Variants in MYCBP2 observed in about 807,000 individuals in gnomAD.
MYCBP2 encodes the protein E3 ubiquitin-protein ligase MYCBP2.
In MYCBP2, 120 loss-of-function variants were observed where a neutral mutation model predicts 525.3. The ratio of observed to expected loss-of-function variants is 0.23; its 90% confidence interval spans 0.20 to 0.27. The LOEUF (loss-of-function observed/expected upper bound fraction) is 0.27, where lower values mean the gene tolerates loss of function less well. MYCBP2 is among the 10% of genes least tolerant of loss of function. The pLI is 1.00. For missense variants in MYCBP2, 4,149 were observed against 5,657.1 expected, an observed-to-expected ratio of 0.73 and a Z score of 8.55; for synonymous variants, 1,894 against 1,955.8, an observed-to-expected ratio of 0.97 and a Z score of 0.83.
At chr13:77,251,385 T>C (rs2071176299) in intron 14 of MYCBP2, 30 bp from the exon 15 acceptor site, 1 of 1,584,882 alleles carries the variant, frequency 6.3e-7, no homozygotes, top group South Asian at 1.1e-5. Flanking sequence ...GTAATTTTTA[T>C]ACAGGTTACT....
chr13:77,180,643 T>C (rs2060131216), intron 33 of MYCBP2, among the ~76,000 whole-genome samples: 1 of 152,214 alleles, frequency 6.6e-6, no homozygotes, highest in South Asian at 2.1e-4. Flanking sequence ...CTTTTTTGGC[T>C]GGGCGTGGTG....
chr13:77,084,070 T>C (rs1257017163), intron 62 of MYCBP2, among the ~76,000 whole-genome samples: 2 of 152,214 alleles, frequency 1.3e-5, no homozygotes, highest in Non-Finnish European at 1.5e-5. Context: ...GTTTATTTCA[T>C]CAGTCCACTT....
chr13:77,121,355 T>C lies in MYCBP2; in HGVS notation c.8140+18A>G. 6.6e-7 allele frequency: 1 copy of C among 1,508,578 alleles called. No individual in the cohort carries two copies. The highest frequency in any genetic ancestry group is 8.9e-7 in the Non-Finnish European group (1 of 1,119,070). The allele number at this position is 1,508,578 out of a possible 1,614,324, so 93.4% of individuals were successfully genotyped here. A position where few individuals can be genotyped will look rare whatever the true frequency, so the allele number is the denominator to read the frequency against. ...TATTGAAGTTAGGTAAGTAAAAGAC[T>C]TACTTTTAAATACCTACCTTTGCTA... On this transcript the variant is annotated intron_variant, in intron 55 of 82. Coordinates refer to ENST00000544440, the MANE Select transcript of MYCBP2 (RefSeq NM_015057.5).
intron 48 of MYCBP2, among the ~76,000 whole-genome samples, chr13:77,145,210 C>T (rs74098704): frequency 0.059 from 9,021 of 152,236 alleles, 377 homozygotes; most frequent in African/African-American, 0.11. Context: ...GTCAAAGTCA[C>T]CAATGACCAC....
At chr13:77,239,221 CA>C in intron 17 of MYCBP2, among the ~76,000 whole-genome samples, 2 of 152,280 alleles carry the variant, frequency 1.3e-5, no homozygotes, top group Middle Eastern at 3.4e-3. Flanking sequence ...AATAATCTAA[CA>C]TAACCTAATT....
At chr13:77,076,710 T>A (rs1451338073) in intron 68 of MYCBP2, 41 bp downstream of exon 68, 1 of 1,254,582 alleles carries the variant, frequency 8.0e-7, no homozygotes, top group Admixed American at 2.0e-5. Context: ...AAAAAAAGAA[T>A]AAAAAAGGGA....
At chr13:77,218,496 T>C (rs937560631) in intron 20 of MYCBP2, among the ~76,000 whole-genome samples, 1 of 152,216 alleles carries the variant, frequency 6.6e-6, no homozygotes, top group Non-Finnish European at 1.5e-5. Flanking sequence ...AAAGCTAGAC[T>C]GGCTGGTTGT....
At chr13:77,207,832 T>C (rs1289027986) in intron 23 of MYCBP2, among the ~76,000 whole-genome samples, 1 of 152,176 alleles carries the variant, frequency 6.6e-6, no homozygotes, top group African/African-American at 2.4e-5. Flanking sequence ...ACTAACTCTC[T>C]TGATGGTAAA....
At chr13:77,180,361 C>T (rs756139425) in intron 33 of MYCBP2, 43 bp from the exon 34 acceptor site, 11 of 1,554,080 alleles carry the variant, frequency 7.1e-6, no homozygotes, top group Middle Eastern at 3.4e-4. Flanking sequence ...GTTTTATTTT[C>T]CTTCATAGGA....
chr13:77,171,210 A>G (rs1478331652), intron 38 of MYCBP2, among the ~76,000 whole-genome samples: 1 of 152,244 alleles, frequency 6.6e-6, no homozygotes, highest in African/African-American at 2.4e-5. Flanking sequence ...TTTGATTACT[A>G]AAAGAAGAAT....
At chr13:77,102,897 A>C (rs2047289517) in intron 55 of MYCBP2, among the ~76,000 whole-genome samples, 1 of 151,942 alleles carries the variant, frequency 6.6e-6, no homozygotes, top group East Asian at 1.9e-4. Context: ...GATTTCAAAA[A>C]TTCCCCCAAT....
chr13:77,236,273 A>C (rs1232223366), intron 17 of MYCBP2, among the ~76,000 whole-genome samples: 1 of 152,214 alleles, frequency 6.6e-6, no homozygotes, highest in Non-Finnish European at 1.5e-5. Context: ...AGTGAGTAAA[A>C]TAGGGGTATG....
chr13:77,280,413 T>C (rs1313286923), intron 3 of MYCBP2, among the ~76,000 whole-genome samples: 1 of 152,178 alleles, frequency 6.6e-6, no homozygotes, highest in Admixed American at 6.5e-5. Context: ...CTTATGTACT[T>C]ACAGGAAAGA....
intron 17 of MYCBP2, among the ~76,000 whole-genome samples, chr13:77,240,248 GAA>G (rs1187695104): frequency 1.3e-5 from 2 of 152,280 alleles, no homozygotes; most frequent in African/African-American, 4.8e-5. Flanking sequence ...GAATGACTCT[GAA>G]GTTTGATTTT....
Position 77,270,471 on chromosome 13 carries a change from T to C in MYCBP2, c.1013A>G (p.Gln338Arg). 1 of 1,613,754 alleles carries C rather than the reference T, an allele frequency of 6.2e-7. No homozygotes were observed. Among genetic ancestry groups the C allele is most frequent in the Non-Finnish European group, 8.5e-7 (1 of 1,179,816 alleles). Residue 338 changes from glutamine (Q) to arginine (R), a missense_variant, in exon 6 of 83, where the codon CAG (glutamine) becomes CGG (arginine). Around this residue, in one of 21 missense-constraint regions of MYCBP2, gnomAD observed 413 missense variants for 451.2 expected, o/e 0.92. Transcript: ENST00000544440. ...CTTAATGCCATTACTAAACCAGTCC[T>C]GAATTTGAATTTTTCCCACCAAAAC... ...QAVLVGKIQI[Q>R]DWFSNGIKKA... is the part of the protein sequence containing the mutation.
intron 46 of MYCBP2, among the ~76,000 whole-genome samples, chr13:77,152,344 T>C (rs1183146886): frequency 6.6e-6 from 1 of 152,172 alleles, no homozygotes; most frequent in African/African-American, 2.4e-5. Flanking sequence ...CTCAAACACA[T>C]GTGCCAGCAT....
intron 52 of MYCBP2, among the ~76,000 whole-genome samples, chr13:77,132,060 C>T (rs2052972363): frequency 2.0e-5 from 3 of 152,120 alleles, no homozygotes; most frequent in Non-Finnish European, 4.4e-5. Flanking sequence ...TATATTATTA[C>T]AATCTTAATT....
At position 77,087,579 on chromosome 13, in the gene MYCBP2, G is replaced by A. The variant is rs2044546161; in HGVS notation, c.10780C>T (p.Leu3594=). ...GTCAGTGATGCCACAAAATGCCACA[G>A]AATATCATGGAGAGAAGTGGTTTGG... The part of the protein sequence containing the change: ...VIQTTSLHDI[L]WHFVASLTPA... Residue 3594 remains leucine (L), a synonymous_variant, in exon 62 of 83, where the codon CTG becomes TTG. Coordinates refer to ENST00000544440, the MANE Select transcript of MYCBP2 (RefSeq NM_015057.5). The A allele has an allele frequency of 1.9e-6, 3 of 1,613,064 alleles. No homozygotes were observed. The highest frequency in any genetic ancestry group is 2.2e-5 in the East Asian group (1 of 44,770).
At position 77,099,000 on chromosome 13, in the gene MYCBP2, G is replaced by A; in HGVS notation, c.8154C>T (p.Asn2718=). Residue 2718 remains asparagine (N), a synonymous_variant, in exon 56 of 83, where the codon AAC becomes AAT. Transcript: ENST00000544440. ...GLGNSKGDRG[N]ISTSSKPAST... ...AGGCTGGTTTAGAAGATGTTGAGAT[G>A]TTTCCTCGATCACCTGTATGGTCCA... is the stretch of plus-strand genomic sequence containing the variant. 6.2e-7 allele frequency: 1 copy of A among 1,606,218 alleles called. No individual in the cohort carries two copies. Among genetic ancestry groups the A allele is most frequent in the Non-Finnish European group, 8.5e-7 (1 of 1,179,190 alleles).
Sources: allele counts gnomAD v4.1 joint callset (sites outside exome capture counted in the v4.1 genomes callset), GRCh38; gene constraint gnomAD v4.1.1; regional missense constraint gnomAD v4.1.1; transcripts MANE v1.5; gene names NCBI Gene and HGNC (gene_info 2026-07-23, HGNC 2026-07-21).